Variants in FMN1 observed in about 807,000 individuals in gnomAD.
FMN1 encodes the protein formin 1.
In FMN1, 110 loss-of-function variants were observed where a neutral mutation model predicts 132.4. The observed-to-expected ratio is 0.83, with a 90% CI of 0.71 to 0.97. FMN1 has a LOEUF of 0.97. Among genes scored for constraint, FMN1 ranks in the 50% least tolerant of loss-of-function variants. The probability of loss-of-function intolerance (pLI) is 0.00; values close to 1 mark genes in which losing one functional copy is unlikely to be tolerated. For missense variants in FMN1, 1,792 were observed against 1,705.3 expected (o/e 1.05, Z -0.90); for synonymous variants, 722 against 651.7 (o/e 1.11, Z -1.64).
chr15:33,033,942 C>T (rs560129595), intron 6 of FMN1, among the ~76,000 whole-genome samples: 1 of 152,246 alleles, frequency 6.6e-6, no homozygotes, highest in South Asian at 2.1e-4. Context: ...TAGTTCTCCT[C>T]CTGCCTCACT....
At chr15:33,113,108 C>T (rs2039775257) in intron 4 of FMN1, among the ~76,000 whole-genome samples, 1 of 152,218 alleles carries the variant, frequency 6.6e-6, no homozygotes, top group Admixed American at 6.5e-5. Context: ...ATATCTACCT[C>T]TCAATATGCT....
rs75076908 is a variant in FMN1 at position 32,857,087 on chromosome 15, C to T, written c.3856G>A (p.Val1286Met). Residue 1286 changes from valine (V) to methionine (M), a missense_variant, in exon 17 of 21, where the codon GTG becomes ATG. Coordinates refer to ENST00000616417, the MANE Select transcript of FMN1 (RefSeq NM_001277313.2). Reference sequence around the variant, plus strand: ...TCCTTTGGGGACTCCTTGCACACCACCACCATCTGTTTCTCACTTGCTGTG... The same window carrying T: ...TCCTTTGGGGACTCCTTGCACACCATCACCATCTGTTTCTCACTTGCTGTG... ...QLEASEKQMV[V>M]VCKESPKEYL... The T allele has an allele frequency of 2.1e-3, 3,434 of 1,613,570 alleles. 62 individuals carry two copies. In the African/African-American group the frequency reaches 0.041, roughly 19 times the overall value.
chr15:32,896,959 C>T (rs2060174459), intron 15 of FMN1, among the ~76,000 whole-genome samples: 1 of 152,146 alleles, frequency 6.6e-6, no homozygotes, highest in Non-Finnish European at 1.5e-5. Flanking sequence ...TATGGTAGTT[C>T]TATTTTTAAT....
chr15:33,000,322 G>A (rs535474836), intron 7 of FMN1, among the ~76,000 whole-genome samples: 53 of 152,120 alleles, frequency 3.5e-4, no homozygotes, highest in Admixed American at 2.4e-3. Context: ...AGTGGCGGCC[G>A]CCTGTAGTCC....
At chr15:33,088,270 T>TA (rs565087777) in intron 5 of FMN1, among the ~76,000 whole-genome samples, 4 of 152,144 alleles carry the variant, frequency 2.6e-5, no homozygotes, top group Admixed American at 2.6e-4. Context: ...ACAAAAACTT[T>TA]AAAAAAGAGA....
At chr15:33,047,540 T>C (rs1438248215) in intron 6 of FMN1, among the ~76,000 whole-genome samples, 1 of 152,214 alleles carries the variant, frequency 6.6e-6, no homozygotes, top group East Asian at 1.9e-4. Context: ...CCACAGACCC[T>C]GTTTTGGGAA....
rs890376437 is a variant in FMN1, at chr15:32,768,732, G to A, written c.*5578C>T. The A allele has an allele frequency of 6.6e-6, 1 of 152,130 alleles. No individual in the cohort carries two copies. The allele number at this position is 152,130 out of a possible 1,614,324, so 9.4% of individuals were successfully genotyped here. The stretch of plus-strand genomic sequence containing the variant: ...GAAAAATAGCCCACAAGTGTAGTTG[G>A]ATCAGCCTTTAGAAAAGGAGACTAG... On this transcript the variant is annotated 3_prime_UTR_variant, in exon 21 of 21. Transcript: ENST00000616417.
At position 32,899,787 on chromosome 15, in the gene FMN1, A is replaced by AG; in HGVS notation, c.3654+191_3654+192insC. 7 of 644,562 alleles carry AG rather than the reference A, an allele frequency of 1.1e-5. No individual in the cohort carries two copies. The South Asian group carries it at 1.4e-4, about 13-fold the overall frequency. The allele number at this position is 644,562 out of a possible 1,614,324, so 39.9% of individuals were successfully genotyped here. A position where few individuals can be genotyped will look rare whatever the true frequency, so the allele number is the denominator to read the frequency against. On this transcript the variant is annotated intron_variant, in intron 14 of 20. Transcript: ENST00000616417. ...TAATTGAAAATAAAGTCTAACGTGAAAAAAAAAAACCAAACAAAACTCTTT... is the reference window on the plus strand; with the variant it reads ...TAATTGAAAATAAAGTCTAACGTGAAGAAAAAAAAACCAAACAAAACTCTTT...
At chr15:32,999,813 T>C (rs903250668) in intron 7 of FMN1, among the ~76,000 whole-genome samples, 5 of 152,194 alleles carry the variant, frequency 3.3e-5, no homozygotes, top group Admixed American at 1.3e-4. Context: ...TCAAAAACGA[T>C]ATTCTTAAGC....
At chr15:32,825,850 A>G (rs542432985) in intron 17 of FMN1, among the ~76,000 whole-genome samples, 1 of 152,352 alleles carries the variant, frequency 6.6e-6, no homozygotes, top group Middle Eastern at 3.4e-3. Context: ...GCTCGGCACA[A>G]TATCTGACAC....
At chr15:33,097,354 AATACTT>A (rs2039127428) in intron 4 of FMN1, among the ~76,000 whole-genome samples, 1 of 152,058 alleles carries the variant, frequency 6.6e-6, no homozygotes, top group African/African-American at 2.4e-5. Flanking sequence ...GGAGCAGAAA[AATACTT>A]AAAGAAGTAT....
chr15:33,123,200 C>T (rs12907653), intron 4 of FMN1, among the ~76,000 whole-genome samples: 5,094 of 151,772 alleles, frequency 0.034, 141 homozygotes, highest in Middle Eastern at 0.054. Context: ...TTCAAGTCCC[C>T]ATCAACTGGG....
At chr15:32,799,518 C>T (rs1226699513) in intron 18 of FMN1, among the ~76,000 whole-genome samples, 1 of 152,172 alleles carries the variant, frequency 6.6e-6, no homozygotes, top group Non-Finnish European at 1.5e-5. Flanking sequence ...ATATGATCTT[C>T]AGGAGGGCTA....
rs941588905 is a variant in FMN1 at position 32,781,789 on chromosome 15, T to C, written c.4131-4870A>G. Among the ~76,000 whole-genome samples the C allele has an allele frequency of 3.9e-5, 6 of 152,206 alleles. 1 individual carries two copies. The South Asian group carries it at 1.0e-3, about 26-fold the overall frequency. ...TCAATTTCCTCATCTCTTTAAAGTG[T>C]GAATAATACCACACCTAATAACATT... On this transcript the variant is annotated intron_variant, in intron 19 of 20. Transcript: ENST00000616417.
chr15:32,790,754 C>T (rs1416785849), intron 19 of FMN1, among the ~76,000 whole-genome samples: 1 of 152,230 alleles, frequency 6.6e-6, no homozygotes, highest in Non-Finnish European at 1.5e-5. Flanking sequence ...CAAACTCTTA[C>T]ACCAGCCAAG....
chr15:33,022,059 C>T (rs963668996), intron 6 of FMN1, among the ~76,000 whole-genome samples: 40 of 152,132 alleles, frequency 2.6e-4, no homozygotes, highest in Non-Finnish European at 5.1e-4. Flanking sequence ...TACTAAAATC[C>T]GTGAGTCCTT....
chr15:33,069,525 G>A (rs1295563443), intron 5 of FMN1, among the ~76,000 whole-genome samples: 1 of 152,212 alleles, frequency 6.6e-6, no homozygotes, highest in East Asian at 1.9e-4. Context: ...GAAAATGACA[G>A]TCTTGCTTTA....
At chr15:33,081,485 T>TA (rs994345268) in intron 5 of FMN1, among the ~76,000 whole-genome samples, 2 of 152,158 alleles carry the variant, frequency 1.3e-5, no homozygotes, top group Non-Finnish European at 2.9e-5. Context: ...CCCATATTAG[T>TA]AGCTGCAGAA....
At chr15:33,135,304 A>G (rs1963716230) in intron 4 of FMN1, among the ~76,000 whole-genome samples, 1 of 152,134 alleles carries the variant, frequency 6.6e-6, no homozygotes, top group Non-Finnish European at 1.5e-5. Flanking sequence ...TTATCATCTC[A>G]CCCTTTTTCT....
Sources: allele counts gnomAD v4.1 joint callset (sites outside exome capture counted in the v4.1 genomes callset), GRCh38; gene constraint gnomAD v4.1.1; transcripts MANE v1.5; gene names NCBI Gene and HGNC (gene_info 2026-07-23, HGNC 2026-07-21).